Variants in DCBLD2 observed in about 807,000 individuals in gnomAD.
DCBLD2 encodes discoidin, CUB and LCCL domain containing 2.
A neutral mutation model predicts 86.8 loss-of-function variants in DCBLD2; 54 were observed. That is an observed-to-expected ratio of 0.62 (90% confidence interval 0.50 to 0.78). DCBLD2 has a LOEUF of 0.78. Ranked by LOEUF, DCBLD2 falls within the 30% of genes least tolerant of loss-of-function variation. The pLI is 0.00. For synonymous variants in DCBLD2, 354 were observed against 341.3 expected (o/e 1.04, Z -0.41); for missense variants, 908 against 954.2 (o/e 0.95, Z 0.64).
chr3:98,818,268 A>G (rs1942058365), intron 8 of DCBLD2, among the ~76,000 whole-genome samples: 1 of 152,204 alleles, frequency 6.6e-6, no homozygotes, highest in Non-Finnish European at 1.5e-5. Context: ...AATTAAACCA[A>G]TCCCAACCAA....
intron 14 of DCBLD2, among the ~76,000 whole-genome samples, chr3:98,800,944 T>TTAC (rs2107416854): frequency 6.6e-6 from 1 of 152,084 alleles, no homozygotes; most frequent in East Asian, 1.9e-4. Context: ...AAATCACTGT[T>TTAC]AGTATAGTAC....
intron 2 of DCBLD2, among the ~76,000 whole-genome samples, chr3:98,871,232 CAG>C (rs1943278222): frequency 6.6e-6 from 1 of 152,076 alleles, no homozygotes. Flanking sequence ...CATCAGCAAA[CAG>C]AGATAGCTTG....
intron 1 of DCBLD2, 114 bp downstream of exon 1, chr3:98,901,008 A>G: frequency 6.6e-7 from 1 of 1,503,984 alleles, no homozygotes; most frequent in Non-Finnish European, 8.9e-7. Flanking sequence ...AGGTCCGGCC[A>G]CGCACGAAAG....
chr3:98,898,030 G>GA (rs1183259474), intron 1 of DCBLD2, among the ~76,000 whole-genome samples: 8 of 151,804 alleles, frequency 5.3e-5, no homozygotes, highest in Non-Finnish European at 1.0e-4. Flanking sequence ...ACATTTTACA[G>GA]AAAAAAAGTC....
intron 1 of DCBLD2, among the ~76,000 whole-genome samples, chr3:98,889,356 T>G (rs961883743): frequency 1.3e-5 from 2 of 151,908 alleles, no homozygotes; most frequent in African/African-American, 2.4e-5. Flanking sequence ...ACAGGCTAAT[T>G]AAAGGTTCTC....
At chr3:98,838,774 C>G (rs1156652193) in intron 3 of DCBLD2, among the ~76,000 whole-genome samples, 2 of 152,094 alleles carry the variant, frequency 1.3e-5, no homozygotes, top group African/African-American at 2.4e-5. Flanking sequence ...ACTGAGTGAA[C>G]GAGACTCCGT....
At chr3:98,857,324 G>A (rs543015019) in intron 2 of DCBLD2, among the ~76,000 whole-genome samples, 92 of 152,258 alleles carry the variant, frequency 6.0e-4, no homozygotes, top group Admixed American at 2.5e-3. Context: ...AAGAGCGAAA[G>A]AACAAAGCTT....
At chr3:98,821,856 G>A (rs747539864) in intron 6 of DCBLD2, among the ~76,000 whole-genome samples, 9 of 152,018 alleles carry the variant, frequency 5.9e-5, no homozygotes, top group Non-Finnish European at 1.3e-4. Context: ...GAGCAGCCTG[G>A]CCAACATGGT....
At chr3:98,823,297 A>G (rs1005786308) in intron 4 of DCBLD2, among the ~76,000 whole-genome samples, 5 of 152,234 alleles carry the variant, frequency 3.3e-5, no homozygotes, top group Non-Finnish European at 7.3e-5. Context: ...ATTTTATTTC[A>G]TAATGAATGG....
At chr3:98,807,294 C>T (rs1941858870) in intron 13 of DCBLD2, among the ~76,000 whole-genome samples, 1 of 152,100 alleles carries the variant, frequency 6.6e-6, no homozygotes, top group Admixed American at 6.6e-5. Flanking sequence ...TTGCATCTCT[C>T]CAAAATTCAT....
At chr3:98,834,516 G>T (rs1421589964) in intron 3 of DCBLD2, among the ~76,000 whole-genome samples, 1 of 152,194 alleles carries the variant, frequency 6.6e-6, no homozygotes, top group African/African-American at 2.4e-5. Flanking sequence ...TGAGATTTAC[G>T]TTTTTAGCTC....
At chr3:98,836,909 CCG>C (rs1942472137) in intron 3 of DCBLD2, among the ~76,000 whole-genome samples, 1 of 74,120 alleles carries the variant, frequency 1.3e-5, no homozygotes, top group African/African-American at 5.3e-5. Context: ...GGGCGGCTGG[CCG>C]GGCGGGGGGC....
intron 14 of DCBLD2, 119 bp from the exon 15 acceptor site, chr3:98,800,835 C>A: frequency 2.8e-6 from 4 of 1,409,702 alleles, no homozygotes; most frequent in Non-Finnish European, 1.9e-6. Flanking sequence ...TCTCTACAAA[C>A]TTGCCTTTAT....
intron 2 of DCBLD2, among the ~76,000 whole-genome samples, chr3:98,861,526 C>CTT (rs2107498547): frequency 1.3e-5 from 2 of 152,334 alleles, no homozygotes; most frequent in East Asian, 3.9e-4. Context: ...AACAAACTGT[C>CTT]TCTCAGACCA....
In DCBLD2 at chr3:98,861,058, A is replaced by G. The variant is rs149546423; in HGVS notation, c.434-11460T>C. 7.0e-3 allele frequency among the ~76,000 whole-genome samples: 1,066 copies of G among 152,332 alleles called. 8 individuals are homozygous for G. Among genetic ancestry groups the G allele is most frequent in the African/African-American group, 0.019 (798 of 41,586 alleles). On this transcript the variant is annotated intron_variant, in intron 2 of 15. Transcript: ENST00000326840. ...TACCAAGCAAATGGAAAACACAAAA[A>G]GGCAGGGGTTGCAATCCTAGTCTCT...
At chr3:98,828,027 A>G (rs1559776368) in intron 3 of DCBLD2, among the ~76,000 whole-genome samples, 1 of 152,190 alleles carries the variant, frequency 6.6e-6, no homozygotes, top group Non-Finnish European at 1.5e-5. Flanking sequence ...ATATCCACCA[A>G]ACAAACAAAT....
chr3:98,900,473 T>TG (rs541051516), intron 1 of DCBLD2, among the ~76,000 whole-genome samples: 9 of 150,998 alleles, frequency 6.0e-5, no homozygotes, highest in East Asian at 3.9e-4. Context: ...GGATTGTAGG[T>TG]GGAAAAAAAA....
At chr3:98,803,063 T>A (rs1243876712) in intron 13 of DCBLD2, among the ~76,000 whole-genome samples, 1 of 152,208 alleles carries the variant, frequency 6.6e-6, no homozygotes, top group Admixed American at 6.5e-5. Context: ...AACTTTAAAG[T>A]AGTTTTTTCC....
At chr3:98,804,336 A>T (rs903384187) in intron 13 of DCBLD2, among the ~76,000 whole-genome samples, 6 of 151,980 alleles carry the variant, frequency 3.9e-5, no homozygotes, top group Admixed American at 3.9e-4. Context: ...ATTTGCATAG[A>T]GGTGTTTGTA....
Sources: gnomAD v4.1 joint callset for allele counts (sites outside exome capture counted in the v4.1 genomes callset) on GRCh38, gnomAD v4.1.1 for gene constraint, MANE v1.5 for transcripts, NCBI Gene and HGNC (gene_info 2026-07-23, HGNC 2026-07-21) for gene names.